Variants in SLC13A1 observed in about 807,000 individuals in gnomAD.
SLC13A1 encodes the protein Na(+)/sulfate cotransporter.
A neutral mutation model predicts 70.0 loss-of-function variants in SLC13A1; 65 were observed. That is an observed-to-expected ratio of 0.93 (90% CI 0.76 to 1.14). The LOEUF (loss-of-function observed/expected upper bound fraction) is 1.14, where lower values mean the gene tolerates loss of function less well. Among genes scored for constraint, SLC13A1 ranks in the 50% most tolerant of loss-of-function variants. The pLI is 0.00. For synonymous variants in SLC13A1, 275 were observed against 250.5 expected, an observed-to-expected ratio of 1.10 and a Z score of -0.92; for missense variants, 726 against 717.8, an observed-to-expected ratio of 1.01 and a Z score of -0.13.
chr7:123,181,694 G>A (rs757802374), intron 1 of SLC13A1, among the ~76,000 whole-genome samples: 1 of 152,082 alleles, frequency 6.6e-6, no homozygotes, highest in Non-Finnish European at 1.5e-5. Context: ...GCTTTGCTTA[G>A]TATAAAACTA....
At position 123,123,237 on chromosome 7, in the gene SLC13A1, T is replaced by G; in HGVS notation, c.1241-2A>C. 6.3e-7 allele frequency: 1 copy of G among 1,592,418 alleles called. No homozygotes were observed. Among genetic ancestry groups the G allele is most frequent in the Non-Finnish European group, 8.6e-7 (1 of 1,160,520 alleles). The stretch of plus-strand genomic sequence containing the variant: ...TCAGTGGAGAGTAATCAAAAGCAAC[T>G]GCAAAACAAAAATCCTACAGTTACA... On this transcript the variant is annotated splice_acceptor_variant, in intron 11 of 14. Transcript: ENST00000194130. LOFTEE classifies it high-confidence loss of function.
chr7:123,160,403 A>G (rs1462120240), intron 6 of SLC13A1, among the ~76,000 whole-genome samples: 5 of 152,152 alleles, frequency 3.3e-5, no homozygotes, highest in Non-Finnish European at 7.4e-5. Context: ...ACACAGAAAC[A>G]TTCTAAATGG....
chr7:123,176,503 C>T (rs1795450451), intron 2 of SLC13A1, among the ~76,000 whole-genome samples: 2 of 152,150 alleles, frequency 1.3e-5, no homozygotes, highest in Non-Finnish European at 2.9e-5. Context: ...AATCAGAGCA[C>T]CTGAGTTCTC....
intron 6 of SLC13A1, among the ~76,000 whole-genome samples, chr7:123,155,079 T>G (rs529570618): frequency 6.6e-6 from 1 of 152,224 alleles, no homozygotes; most frequent in African/African-American, 2.4e-5. Flanking sequence ...GGTCATCTTA[T>G]AGTATTCTGA....
intron 6 of SLC13A1, among the ~76,000 whole-genome samples, chr7:123,158,612 A>G (rs1286780981): frequency 6.6e-6 from 1 of 151,932 alleles, no homozygotes; most frequent in Non-Finnish European, 1.5e-5. Flanking sequence ...CAGGAGAAAT[A>G]TGCACTTAGG....
intron 7 of SLC13A1, among the ~76,000 whole-genome samples, chr7:123,137,709 G>C (rs1793998834): frequency 2.0e-5 from 3 of 152,102 alleles, no homozygotes; most frequent in Admixed American, 1.3e-4. Flanking sequence ...TGTCAGCCTG[G>C]TAAGATCCTG....
rs79926042 is a variant in SLC13A1, at chr7:123,163,804, C to T, written c.660+4570G>A. Among the ~76,000 whole-genome samples the T allele has an allele frequency of 4.0e-5, 6 of 151,670 alleles. No individual in the cohort carries two copies. The East Asian group carries it at 9.7e-4, about 24-fold the overall frequency. On this transcript the variant is annotated intron_variant, in intron 6 of 14. Transcript: ENST00000194130. The stretch of plus-strand genomic sequence containing the variant: ...TCCATAGTGACTTCTCTGAATTTTC[C>T]CTGATGGTTAACTAGACACTGGAAA...
chr7:123,181,679 C>G (rs1245460879), intron 1 of SLC13A1, among the ~76,000 whole-genome samples: 1 of 152,108 alleles, frequency 6.6e-6, no homozygotes, highest in Non-Finnish European at 1.5e-5. Context: ...TTAATAGAAT[C>G]TGTTGCTTTG....
intron 6 of SLC13A1, among the ~76,000 whole-genome samples, chr7:123,156,716 C>G (rs1021675065): frequency 6.6e-6 from 1 of 152,082 alleles, no homozygotes; most frequent in African/African-American, 2.4e-5. Context: ...GCTCTGATCA[C>G]AATAGTTGAT....
intron 7 of SLC13A1, among the ~76,000 whole-genome samples, chr7:123,144,135 T>A (rs1051173647): frequency 1.3e-5 from 2 of 152,138 alleles, no homozygotes; most frequent in Non-Finnish European, 2.9e-5. Context: ...AGATCAAGCA[T>A]GCTGTTTTGG....
At position 123,165,073 on chromosome 7, in the gene SLC13A1, G is replaced by A. The variant is rs576960226; in HGVS notation, c.660+3301C>T. ...ATATACATTCTTCCATATAATCAGTGTTAAATTATATAGGGTAAATCTATC... is the reference window on the plus strand; with the variant it reads ...ATATACATTCTTCCATATAATCAGTATTAAATTATATAGGGTAAATCTATC... On this transcript the variant is annotated intron_variant, in intron 6 of 14. Transcript: ENST00000194130. Among the ~76,000 whole-genome samples the A allele has an allele frequency of 6.6e-5, 10 of 151,976 alleles. No homozygotes were observed. The South Asian group carries it at 1.5e-3, about 22-fold the overall frequency.
chr7:123,132,364 T>TTTTTA (rs1026524446), intron 8 of SLC13A1, among the ~76,000 whole-genome samples: 1 of 152,050 alleles, frequency 6.6e-6, no homozygotes, highest in African/African-American at 2.4e-5. Context: ...GATTTCAGCA[T>TTTTTA]TTTTCTTTTC....
At chr7:123,193,945 C>A (rs1481772868) in intron 1 of SLC13A1, among the ~76,000 whole-genome samples, 1 of 152,128 alleles carries the variant, frequency 6.6e-6, no homozygotes, top group Non-Finnish European at 1.5e-5. Context: ...TCATCAACCT[C>A]TTTCTCCTGC....
intron 7 of SLC13A1, among the ~76,000 whole-genome samples, chr7:123,143,126 G>A (rs775304339): frequency 4.6e-5 from 7 of 152,012 alleles, no homozygotes; most frequent in Non-Finnish European, 7.4e-5. Context: ...CTCTCCTCTC[G>A]TCTCCTCTCC....
chr7:123,174,798 A>C (rs1795394032), intron 2 of SLC13A1, among the ~76,000 whole-genome samples: 1 of 151,552 alleles, frequency 6.6e-6, no homozygotes, highest in Non-Finnish European at 1.5e-5. Context: ...TTGCCACTCC[A>C]CCCTTCTTCT....
intron 2 of SLC13A1, among the ~76,000 whole-genome samples, chr7:123,178,033 C>CTCTCTCTCTCTCTCTATATATATATATA (rs761704605): frequency 6.7e-6 from 1 of 149,954 alleles, no homozygotes; most frequent in Admixed American, 6.7e-5. Context: ...CTCTCTCTCT[C>CTCTCTCTCTCTCTCTATATATATATATA]TATATATATA....
intron 6 of SLC13A1, among the ~76,000 whole-genome samples, chr7:123,150,440 T>C (rs1415523174): frequency 6.6e-6 from 1 of 152,166 alleles, no homozygotes; most frequent in Admixed American, 6.6e-5. Context: ...ATTGGAATTT[T>C]CATCAACATT....
At chr7:123,169,615 G>A (rs1027247841) in intron 3 of SLC13A1, among the ~76,000 whole-genome samples, 14 of 151,724 alleles carry the variant, frequency 9.2e-5, no homozygotes, top group Admixed American at 9.2e-4. Flanking sequence ...AAAACTAAAC[G>A]AACTGCAAGT....
chr7:123,162,536 T>G (rs953671851), intron 6 of SLC13A1, among the ~76,000 whole-genome samples: 1 of 152,086 alleles, frequency 6.6e-6, no homozygotes, highest in Admixed American at 6.6e-5. Context: ...GGTTGAGCAG[T>G]ACTAATTACT....
Sources: allele counts gnomAD v4.1 joint callset (sites outside exome capture counted in the v4.1 genomes callset), GRCh38; gene constraint gnomAD v4.1.1; transcripts MANE v1.5; gene names NCBI Gene and HGNC (gene_info 2026-07-23, HGNC 2026-07-21).